SLC44A5: variants seen among roughly 807,000 people sequenced by gnomAD.
SLC44A5 encodes the protein choline transporter-like protein 5.
Under a neutral mutation model 101.8 loss-of-function variants are expected in SLC44A5, and 57 were observed. The ratio of observed to expected loss-of-function variants is 0.56; its 90% CI spans 0.45 to 0.70. SLC44A5 has a LOEUF of 0.70. Among genes scored for constraint, SLC44A5 ranks in the 30% least tolerant of loss-of-function variants. SLC44A5 has a pLI of 0.00. For missense variants in SLC44A5, 737 were observed against 853.1 expected, an observed-to-expected ratio of 0.86 and a Z score of 1.70; for synonymous variants, 281 against 290.9, an observed-to-expected ratio of 0.97 and a Z score of 0.35.
intron 1 of SLC44A5, among the ~76,000 whole-genome samples, chr1:75,580,819 C>T (rs1673646353): frequency 1.5e-5 from 2 of 133,648 alleles, no homozygotes; most frequent in Admixed American, 1.7e-4. Context: ...GCCTGAGCAA[C>T]AGAGCAAGAC....
chr1:75,318,317 CAGTG>C (rs1017953764), intron 4 of SLC44A5, among the ~76,000 whole-genome samples: 3 of 151,516 alleles, frequency 2.0e-5, no homozygotes, highest in Non-Finnish European at 4.4e-5. Flanking sequence ...TTCGAGGCTA[CAGTG>C]AGTGATGATT....
At chr1:75,532,627 A>G (rs1401398589) in intron 2 of SLC44A5, among the ~76,000 whole-genome samples, 2 of 152,126 alleles carry the variant, frequency 1.3e-5, no homozygotes, top group African/African-American at 4.8e-5. Flanking sequence ...TGCTTTCTTT[A>G]CTATCATTTT....
chr1:75,708,537 T>G, the SLC44A5 span, among the ~76,000 whole-genome samples: 31 of 152,004 alleles, frequency 2.0e-4, no homozygotes, highest in African/African-American at 6.5e-4. Context: ...CAATGACGGT[T>G]ATTTCACCAC....
chr1:75,576,708 A>G (rs569568615), intron 1 of SLC44A5, among the ~76,000 whole-genome samples: 1 of 152,266 alleles, frequency 6.6e-6, no homozygotes, highest in South Asian at 2.1e-4. Context: ...TTATAAGTCT[A>G]TATGATTCAA....
chr1:75,488,528 G>GTTT (rs1668273251), intron 2 of SLC44A5, among the ~76,000 whole-genome samples: 1 of 152,146 alleles, frequency 6.6e-6, no homozygotes, highest in Non-Finnish European at 1.5e-5. Flanking sequence ...AATTAACAAA[G>GTTT]TACTGAGTTA....
intron 2 of SLC44A5, among the ~76,000 whole-genome samples, chr1:75,470,278 A>T (rs1667033996): frequency 6.6e-6 from 1 of 152,192 alleles, no homozygotes. Flanking sequence ...CAGCAGTAAA[A>T]AACATACTCA....
chr1:75,632,287 T>A, the SLC44A5 span, among the ~76,000 whole-genome samples: 1 of 152,156 alleles, frequency 6.6e-6, no homozygotes, highest in Non-Finnish European at 1.5e-5. Context: ...TTAGAGACAT[T>A]CTTATAAAAT....
chr1:75,426,891 C>T (rs1257190601), intron 2 of SLC44A5, among the ~76,000 whole-genome samples: 1 of 152,194 alleles, frequency 6.6e-6, no homozygotes, highest in African/African-American at 2.4e-5. Flanking sequence ...TCCTTGCCAG[C>T]GGGACAAGCT....
At chr1:75,332,654 T>C in intron 4 of SLC44A5, among the ~76,000 whole-genome samples, 1 of 152,158 alleles carries the variant, frequency 6.6e-6, no homozygotes, top group Admixed American at 6.5e-5. Context: ...AAGGAAAGAA[T>C]GAAGAGCCAC....
intron 3 of SLC44A5, 43 bp downstream of exon 3, chr1:75,396,540 T>A (rs1428737288): frequency 1.6e-5 from 23 of 1,461,594 alleles, no homozygotes; most frequent in Non-Finnish European, 2.0e-5. Flanking sequence ...GGATAGACTG[T>A]CATGAAAGAT....
chr1:75,356,737 AAT>A (rs1659108459), intron 3 of SLC44A5, among the ~76,000 whole-genome samples: 1 of 152,184 alleles, frequency 6.6e-6, no homozygotes, highest in South Asian at 2.1e-4. Context: ...CTTGAAAATT[AAT>A]TGTAAGTGCC....
chr1:75,436,977 C>T (rs1391896267), intron 2 of SLC44A5, among the ~76,000 whole-genome samples: 2 of 152,136 alleles, frequency 1.3e-5, no homozygotes, highest in African/African-American at 4.8e-5. Flanking sequence ...GGTCTTGACC[C>T]ACTGGAAGGT....
intron 2 of SLC44A5, among the ~76,000 whole-genome samples, chr1:75,481,615 A>G (rs2101777313): frequency 6.6e-6 from 1 of 152,128 alleles, no homozygotes; most frequent in East Asian, 2.0e-4. Flanking sequence ...GACACTTCTC[A>G]AAAGAAGACA....
At chr1:75,443,736 T>C (rs1346157548) in intron 2 of SLC44A5, among the ~76,000 whole-genome samples, 1 of 151,638 alleles carries the variant, frequency 6.6e-6, no homozygotes, top group East Asian at 1.9e-4. Context: ...ATAATCTTAA[T>C]CCCAAAAGCA....
intron 2 of SLC44A5, among the ~76,000 whole-genome samples, chr1:75,450,070 A>G (rs1172615559): frequency 2.6e-5 from 4 of 152,194 alleles, no homozygotes; most frequent in Admixed American, 2.6e-4. Flanking sequence ...TCAAGAAGAA[A>G]AATGAAAATC....
chr1:75,353,235 A>C (rs931120841), intron 3 of SLC44A5, among the ~76,000 whole-genome samples: 1 of 152,256 alleles, frequency 6.6e-6, no homozygotes, highest in African/African-American at 2.4e-5. Flanking sequence ...AGACTCAAGT[A>C]ATCCAAGTTC....
chr1:75,530,353 C>T (rs1251011603), intron 2 of SLC44A5, among the ~76,000 whole-genome samples: 1 of 151,982 alleles, frequency 6.6e-6, no homozygotes, highest in Admixed American at 6.6e-5. Flanking sequence ...GGAGGTACAG[C>T]AAAATGCTAC....
chr1:75,664,127 T>C, the SLC44A5 span, among the ~76,000 whole-genome samples: 20 of 151,138 alleles, frequency 1.3e-4, no homozygotes, highest in African/African-American at 4.9e-4. Flanking sequence ...ATAAAAAACC[T>C]CAACAAACTA....
chr1:75,253,883 A>G (rs1339299973), intron 6 of SLC44A5, among the ~76,000 whole-genome samples: 2 of 152,142 alleles, frequency 1.3e-5, no homozygotes, highest in African/African-American at 4.8e-5. Context: ...GACACTTATC[A>G]GATGTTTTGG....
Sources: allele counts gnomAD v4.1 joint callset (sites outside exome capture counted in the v4.1 genomes callset), GRCh38; gene constraint gnomAD v4.1.1; transcripts MANE v1.5; gene names NCBI Gene and HGNC (gene_info 2026-07-23, HGNC 2026-07-21).